The following ZNF560 variants were observed in gnomAD, a reference collection of about 807,000 sequenced individuals.
ZNF560 encodes zinc finger protein 560.
A neutral mutation model predicts 81.8 loss-of-function variants in ZNF560; 54 were observed. The observed-to-expected ratio is 0.66, with a 90% confidence interval of 0.53 to 0.83. The LOEUF (loss-of-function observed/expected upper bound fraction) is 0.83, where lower values mean the gene tolerates loss of function less well. ZNF560 is among the 40% of genes least tolerant of loss of function. The pLI is 0.00. For synonymous variants in ZNF560, 321 were observed against 317.9 expected (o/e 1.01, Z -0.10); for missense variants, 940 against 932.4 (o/e 1.01, Z -0.11).
the ZNF560 span, among the ~76,000 whole-genome samples, chr19:9,457,223 TA>T: frequency 2.0e-5 from 3 of 152,224 alleles, no homozygotes; most frequent in African/African-American, 7.2e-5. Context: ...ACTTAAGGGC[TA>T]TTAATTCAGC....
At chr19:9,471,006 G>A (rs1215282077) in intron 6 of ZNF560, among the ~76,000 whole-genome samples, 1 of 152,050 alleles carries the variant, frequency 6.6e-6, no homozygotes, top group Non-Finnish European at 1.5e-5. Flanking sequence ...TGACTTTCTG[G>A]GAAAAATTCA....
chr19:9,460,667 G>A, the ZNF560 span, among the ~76,000 whole-genome samples: 43 of 152,260 alleles, frequency 2.8e-4, no homozygotes, highest in East Asian at 6.9e-3. Flanking sequence ...AATAATGCCT[G>A]GACGTAATCA....
intron 2 of ZNF560, among the ~76,000 whole-genome samples, chr19:9,489,753 C>G (rs1343474328): frequency 6.6e-6 from 1 of 152,116 alleles, no homozygotes; most frequent in East Asian, 1.9e-4. Context: ...CCACGCCCAG[C>G]TAATTTTTTT....
At chr19:9,482,419 A>G (rs1032834047) in intron 2 of ZNF560, among the ~76,000 whole-genome samples, 6 of 150,910 alleles carry the variant, frequency 4.0e-5, no homozygotes, top group Admixed American at 4.0e-4. Context: ...AACTTAAAGT[A>G]TAATAAAAAT....
intron 7 of ZNF560, chr19:9,469,985 A>T (rs935772444): frequency 1.3e-5 from 6 of 455,432 alleles, no homozygotes; most frequent in African/African-American, 1.2e-4. Flanking sequence ...AATTCTAAAA[A>T]CCACTAAAAC....
rs1292046908 is a variant in ZNF560 at position 9,466,828 on chromosome 19, TGA to T, written c.2117_2118del (p.Leu706HisfsTer7). 1.2e-6 allele frequency: 2 copies of T among 1,613,778 alleles called. No homozygotes were observed. Among genetic ancestry groups the T allele is most frequent in the African/African-American group, 1.3e-5 (1 of 74,826 alleles). On this transcript the variant is annotated frameshift_variant, in exon 10 of 10. Coordinates refer to ENST00000301480, the MANE Select transcript of ZNF560 (RefSeq NM_152476.3). LOFTEE classifies it high-confidence loss of function. ...TTACATTTATAGGGTTTTATTTTGG[TGA>T]GAGTTTTTAAGCGATCATGAAAGCA... ...SMCFHDRLKT[L>X]TKIKPYKCKD... is the part of the protein sequence containing the mutation.
At chr19:9,487,902 G>C (rs2073410774) in intron 2 of ZNF560, among the ~76,000 whole-genome samples, 1 of 152,124 alleles carries the variant, frequency 6.6e-6, no homozygotes, top group Non-Finnish European at 1.5e-5. Flanking sequence ...ATGGAACCTG[G>C]AACGAAGACA....
upstream of ZNF560, among the ~76,000 whole-genome samples, chr19:9,499,576 TG>T (rs2073614820): frequency 6.6e-6 from 1 of 152,182 alleles, no homozygotes; most frequent in South Asian, 2.1e-4. Flanking sequence ...CAAAGCCTCC[TG>T]TACTACTTTA....
rs376590788 is a variant in ZNF560, at chr19:9,466,970, A to C, written c.1977T>G (p.Asn659Lys). Reference sequence around the variant, plus strand: ...ACCTACTGTAAGCTTTTTCACATGCATTACATTTATAGGGTTTATATCCAG... The same window carrying C: ...ACCTACTGTAAGCTTTTTCACATGCCTTACATTTATAGGGTTTATATCCAG... ...THTGYKPYKCNACEKAYSRSC... is the reference protein window; with the variant it reads ...THTGYKPYKCKACEKAYSRSC... Residue 659 changes from asparagine to lysine, a missense_variant, in exon 10 of 10, where the codon AAT becomes AAG. Coordinates refer to ENST00000301480, the MANE Select transcript of ZNF560 (RefSeq NM_152476.3). 8 of 1,613,744 alleles carry C rather than the reference A, an allele frequency of 5.0e-6. No individual in the cohort carries two copies. The highest frequency in any genetic ancestry group is 6.8e-6 in the Non-Finnish European group (8 of 1,179,974).
At chr19:9,462,630 A>T (rs955560702), downstream of ZNF560, among the ~76,000 whole-genome samples, 4 of 152,166 alleles carry the variant, frequency 2.6e-5, no homozygotes, top group East Asian at 1.9e-4. Context: ...TAATATTTTT[A>T]AAAAATCTTT....
intron 2 of ZNF560, among the ~76,000 whole-genome samples, chr19:9,492,187 A>G (rs2335943): frequency 0.15 from 22,846 of 151,816 alleles, 2,573 homozygotes; most frequent in African/African-American, 0.31. Flanking sequence ...TTTTGTTTTC[A>G]TAGAGATGGG....
At chr19:9,447,930 G>T in the ZNF560 span, among the ~76,000 whole-genome samples, 11 of 152,126 alleles carry the variant, frequency 7.2e-5, no homozygotes, top group African/African-American at 2.7e-4. Flanking sequence ...TAAGGTCAAC[G>T]CTAGAGAAAA....
Position 9,466,846 on chromosome 19 carries a change from C to T in ZNF560, c.2101G>A (p.Asp701Asn), listed in dbSNP as rs754440378. 1.1e-5 allele frequency: 18 copies of T among 1,613,460 alleles called. No individual in the cohort carries two copies. Among genetic ancestry groups the T allele is most frequent in the Non-Finnish European group, 1.4e-5 (17 of 1,179,874 alleles). Reference protein sequence around the residue: ...NSFRNSMCFHDRLKTLTKIKP... With the variant: ...NSFRNSMCFHNRLKTLTKIKP... ...ATTTTGGTGAGAGTTTTTAAGCGATCATGAAAGCACATGGAATTTCGAAAG... is the reference window on the plus strand; with the variant it reads ...ATTTTGGTGAGAGTTTTTAAGCGATTATGAAAGCACATGGAATTTCGAAAG... Residue 701 changes from aspartate to asparagine, a missense_variant, in exon 10 of 10, where the codon GAT becomes AAT. Asp to Asn is a conservative substitution (Grantham distance 23). Coordinates refer to ENST00000301480, the MANE Select transcript of ZNF560 (RefSeq NM_152476.3).
In ZNF560 at chr19:9,469,129, T is replaced by C; in HGVS notation, c.588A>G (p.Leu196=). The C allele has an allele frequency of 6.3e-7, 1 of 1,594,688 alleles. No homozygotes were observed. The highest frequency in any genetic ancestry group is 1.8e-5 in the Admixed American group (1 of 55,148). ...GPALWQDNFC[L]KTLNGIQLAR... is the part of the protein sequence containing the mutation. The stretch of plus-strand genomic sequence containing the variant: ...CCAACTGTATCCCATTTAATGTTTT[T>C]AAACAAAAATTATCTTGCCAAAGGG... The change falls in exon 9 of 10, where the codon TTA becomes TTG. Residue 196 remains leucine (L), a synonymous_variant. Transcript: ENST00000301480.
chr19:9,481,515 T>C (rs1311313833), intron 2 of ZNF560, among the ~76,000 whole-genome samples: 1 of 152,148 alleles, frequency 6.6e-6, no homozygotes, highest in Non-Finnish European at 1.5e-5. Context: ...ATTTTTGTAA[T>C]CTACAAATCT....
At position 9,470,388 on chromosome 19, in the gene ZNF560, TTACC is replaced by T; in HGVS notation, c.448_448+3del. On this transcript the variant is annotated splice_donor_variant and splice_donor_region_variant and coding_sequence_variant and intron_variant, in exon 7 of 10. Transcript: ENST00000301480. LOFTEE classifies it high-confidence loss of function. ...TAGGCTACAAGGGATGATGCCAGACTTACCTACTGAGGACAGGTTCTTGTAGTTC... is the reference window on the plus strand; with the variant it reads ...TAGGCTACAAGGGATGATGCCAGACTTACTGAGGACAGGTTCTTGTAGTTC... 1 of 1,607,802 alleles carries T rather than the reference TTACC, an allele frequency of 6.2e-7. No individual in the cohort carries two copies. The highest frequency in any genetic ancestry group is 8.5e-7 in the Non-Finnish European group (1 of 1,176,956).
chr19:9,473,292 A>C (rs2073150850), intron 4 of ZNF560, 33 bp from the exon 5 acceptor site: 2 of 1,558,348 alleles, frequency 1.3e-6, no homozygotes. Flanking sequence ...TTAATGGAAG[A>C]GGCTCAGGCC....
the ZNF560 span, among the ~76,000 whole-genome samples, chr19:9,446,789 G>A: frequency 2.6e-5 from 4 of 152,100 alleles, no homozygotes; most frequent in African/African-American, 9.7e-5. Context: ...GATATCTAGA[G>A]ATATTCACCT....
At position 9,467,698 on chromosome 19, in the gene ZNF560, C is replaced by A; in HGVS notation, c.1249G>T (p.Ala417Ser). The change falls in exon 10 of 10, where the codon GCA (alanine) becomes TCA (serine). Residue 417 changes from alanine to serine, a missense_variant. By Grantham distance (99) the Ala-to-Ser change is moderately conservative. Transcript: ENST00000301480. ...CATCTTATATGTTCAATAAGGCCTG[C>A]AGATGTACCAAAGGCTTTACCACAT... ...KECGKAFGTSAGLIEHIRCHA... is the reference protein window; with the variant it reads ...KECGKAFGTSSGLIEHIRCHA... The A allele has an allele frequency of 6.2e-7, 1 of 1,613,918 alleles. No homozygotes were observed. Among genetic ancestry groups the A allele is most frequent in the Non-Finnish European group, 8.5e-7 (1 of 1,179,976 alleles).
Sources: allele counts gnomAD v4.1 joint callset (sites outside exome capture counted in the v4.1 genomes callset), GRCh38; gene constraint gnomAD v4.1.1; transcripts MANE v1.5; gene names NCBI Gene and HGNC (gene_info 2026-07-23, HGNC 2026-07-21).